NR5A2: variants seen among roughly 807,000 people sequenced by gnomAD.
NR5A2 encodes the protein CYP7A promoter-binding factor.
In NR5A2, 26 loss-of-function variants were observed where a neutral mutation model predicts 62.7. That is an observed-to-expected ratio of 0.41 (90% confidence interval 0.30 to 0.58). The LOEUF is 0.58. Among genes scored for constraint, NR5A2 ranks in the 20% least tolerant of loss-of-function variants. The probability of loss-of-function intolerance (pLI) is 0.22; values close to 1 mark genes in which losing one functional copy is unlikely to be tolerated. For synonymous variants in NR5A2, 246 were observed against 241.7 expected, an observed-to-expected ratio of 1.02 and a Z score of -0.16; for missense variants, 541 against 669.1, an observed-to-expected ratio of 0.81 and a Z score of 2.11.
At chr1:200,155,372 T>G (rs753800066) in intron 7 of NR5A2, among the ~76,000 whole-genome samples, 7 of 152,214 alleles carry the variant, frequency 4.6e-5, no homozygotes, top group Non-Finnish European at 1.0e-4. Flanking sequence ...AACTCTATAA[T>G]TATATAAATT....
chr1:200,134,389 A>T (rs929755607), intron 7 of NR5A2, among the ~76,000 whole-genome samples: 2 of 152,144 alleles, frequency 1.3e-5, no homozygotes, highest in African/African-American at 4.8e-5. Context: ...TATCTCATAG[A>T]CTGTATTTTT....
Position 200,048,882 on chromosome 1 carries a change from T to A in NR5A2, c.1110+64T>A. 3.2e-6 allele frequency: 5 copies of A among 1,549,758 alleles called. No homozygotes were observed. Among genetic ancestry groups the A allele is most frequent in the Admixed American group, 1.8e-5 (1 of 55,762 alleles). On this transcript the variant is annotated intron_variant, in intron 5 of 7. Coordinates refer to ENST00000367362, the MANE Select transcript of NR5A2 (RefSeq NM_205860.3). This position sits in a 1 kb window ranked among gnomAD's most constrained non-coding sequence, Gnocchi z 4.8. ...AAGAGAGACCTAACTATGTTCCTAATTAATACATTCTTGGTGCTGAAAATA... is the reference window on the plus strand; with the variant it reads ...AAGAGAGACCTAACTATGTTCCTAAATAATACATTCTTGGTGCTGAAAATA...
In NR5A2 at chr1:200,052,088, A is replaced by G. The variant is rs116968041; in HGVS notation, c.1110+3270A>G. Among the ~76,000 whole-genome samples, 60 of 152,310 alleles carry G rather than the reference A, an allele frequency of 3.9e-4. No individual in the cohort carries two copies. The East Asian group carries it at 0.011, about 28-fold the overall frequency. ...AAAAATTCTGGTCACGACTCACTAA[A>G]TTGATTTCACGGCCCATTAATGAGG... On this transcript the variant is annotated intron_variant, in intron 5 of 7. Coordinates refer to ENST00000367362, the MANE Select transcript of NR5A2 (RefSeq NM_205860.3).
rs1174780301 is a variant in NR5A2, at chr1:200,039,244, G to A, written c.65-414G>A. ...CCCTGCCGATCCTGAGCCAGAGGGC[G>A]GTGGAGGGAGGGGAAGGAGTCGCCC... On this transcript the variant is annotated intron_variant, in intron 1 of 7. Coordinates refer to ENST00000367362, the MANE Select transcript of NR5A2 (RefSeq NM_205860.3). The surrounding 1 kb of genome is among the most constrained non-coding windows in gnomAD (Gnocchi z 5.1). 6.6e-6 allele frequency among the ~76,000 whole-genome samples: 1 copy of A among 152,130 alleles called. No homozygotes were observed. Among genetic ancestry groups the A allele is most frequent in the Non-Finnish European group, 1.5e-5 (1 of 68,006 alleles).
At chr1:200,116,031 A>G (rs1332239266) in intron 6 of NR5A2, among the ~76,000 whole-genome samples, 1 of 152,074 alleles carries the variant, frequency 6.6e-6, no homozygotes, top group African/African-American at 2.4e-5. Context: ...TATTTTCTCA[A>G]CTGCCCTGTT....
chr1:200,107,629 G>A (rs144405412), intron 5 of NR5A2, among the ~76,000 whole-genome samples: 64 of 152,238 alleles, frequency 4.2e-4, no homozygotes, highest in African/African-American at 1.5e-3. Context: ...AGAAATCTAG[G>A]AAAAGTCAGA....
At chr1:200,060,168 G>A (rs904972834) in intron 5 of NR5A2, among the ~76,000 whole-genome samples, 3 of 151,928 alleles carry the variant, frequency 2.0e-5, no homozygotes, top group East Asian at 1.9e-4. Flanking sequence ...GTCCCAATTC[G>A]CTTTTTCTTT....
intron 1 of NR5A2, among the ~76,000 whole-genome samples, chr1:200,038,419 G>C (rs905344188): frequency 6.6e-5 from 10 of 152,164 alleles, no homozygotes; most frequent in Non-Finnish European, 1.3e-4. Context: ...CTAATTCTAT[G>C]AGTGAGCTCT....
chr1:200,043,017 C>T, intron 2 of NR5A2: 5 of 984,166 alleles, frequency 5.1e-6, no homozygotes, highest in Non-Finnish European at 4.8e-6. Flanking sequence ...CATTACAGGG[C>T]TTCAATACTT....
intron 1 of NR5A2, chr1:200,029,828 T>C (rs1661485022): frequency 6.6e-6 from 1 of 152,136 alleles, no homozygotes; most frequent in Non-Finnish European, 1.5e-5. Context: ...CCGCAGGTGG[T>C]TGTGAGGTGT....
intron 5 of NR5A2, among the ~76,000 whole-genome samples, chr1:200,101,361 C>T (rs1306087223): frequency 1.3e-5 from 2 of 152,202 alleles, no homozygotes; most frequent in African/African-American, 4.8e-5. Flanking sequence ...CTAGGTTAAA[C>T]ATGCCCTTGT....
At chr1:200,084,327 A>G (rs1200782435) in intron 5 of NR5A2, among the ~76,000 whole-genome samples, 1 of 152,192 alleles carries the variant, frequency 6.6e-6, no homozygotes, top group Non-Finnish European at 1.5e-5. Flanking sequence ...CAGTTTTCCC[A>G]ACTGGCATAT....
rs1026274841 is a variant in NR5A2, at chr1:200,177,123, C to G, written c.*2913C>G. ...CTGCCTTATCAATTACAGGATTTGC[C>G]GGTAAAAGCAGACTCAAATATAAAG... On this transcript the variant is annotated 3_prime_UTR_variant, in exon 8 of 8. Transcript: ENST00000367362. 6.6e-6 allele frequency: 1 copy of G among 152,428 alleles called. No homozygotes were observed. The highest frequency in any genetic ancestry group is 6.5e-5 in the Admixed American group (1 of 15,268). The allele number at this position is 152,428 out of a possible 1,614,324, so 9.4% of individuals were successfully genotyped here.
Position 200,174,213 on chromosome 1 carries a change from T to C in NR5A2, c.*3T>C, listed in dbSNP as rs1409727210. The C allele has an allele frequency of 6.3e-7, 1 of 1,580,858 alleles. No homozygotes were observed. ...TGTTGCATGCCAAAAGAGCATAAGT[T>C]ACAACCCCTAGGAGCTCTGCTTTCA... On this transcript the variant is annotated 3_prime_UTR_variant, in exon 8 of 8. Transcript: ENST00000367362.
intron 7 of NR5A2, among the ~76,000 whole-genome samples, chr1:200,139,888 T>C (rs1403593719): frequency 1.3e-5 from 2 of 152,216 alleles, no homozygotes; most frequent in African/African-American, 2.4e-5. Flanking sequence ...AAGAGTTGTG[T>C]GGTACACAAC....
rs572343340 is a variant in NR5A2, at chr1:200,050,167, C to T, written c.1110+1349C>T. On this transcript the variant is annotated intron_variant, in intron 5 of 7. Transcript: ENST00000367362. ...CCGAGTATGTGTTAGGGTTTGTAAC[C>T]ACTCTATGATAATCAGAACATTTTT... 1.6e-4 allele frequency among the ~76,000 whole-genome samples: 25 copies of T among 152,288 alleles called. No homozygotes were observed. In the South Asian group the frequency reaches 4.8e-3, roughly 29 times the overall value.
intron 5 of NR5A2, among the ~76,000 whole-genome samples, chr1:200,102,052 T>C (rs1248781627): frequency 2.6e-5 from 4 of 152,212 alleles, no homozygotes; most frequent in Non-Finnish European, 2.9e-5. Context: ...CTCACAGTTA[T>C]ATAAATGAAA....
intron 7 of NR5A2, among the ~76,000 whole-genome samples, chr1:200,155,730 A>G (rs1420870885): frequency 6.6e-6 from 1 of 151,708 alleles, no homozygotes; most frequent in Non-Finnish European, 1.5e-5. Context: ...CTGGAGTGCA[A>G]TGGTGCGATC....
intron 5 of NR5A2, among the ~76,000 whole-genome samples, chr1:200,110,886 G>C (rs1665909220): frequency 6.6e-6 from 1 of 152,114 alleles, no homozygotes. Flanking sequence ...GAGGCACCTG[G>C]ACCTAACTCT....
Sources: gnomAD v4.1 joint callset for allele counts (sites outside exome capture counted in the v4.1 genomes callset) on GRCh38, gnomAD v4.1.1 for gene constraint, Gnocchi (gnomAD v3.1) non-coding constraint, MANE v1.5 for transcripts, NCBI Gene and HGNC (gene_info 2026-07-23, HGNC 2026-07-21) for gene names.